RNF150: variants seen among roughly 807,000 people sequenced by gnomAD.
The protein encoded by RNF150 is ring finger protein 150.
RNF150 carries 24 observed loss-of-function variants against 39.3 expected under a neutral mutation model. The observed-to-expected ratio is 0.61, with a 90% CI of 0.44 to 0.86. The LOEUF is 0.86. RNF150 is among the 40% of genes least tolerant of loss of function. The pLI, the probability that RNF150 is intolerant of heterozygous loss-of-function variation, is 0.00. For missense variants in RNF150, 502 were observed against 587.8 expected (o/e 0.85, Z 1.51); for synonymous variants, 255 against 227.3 (o/e 1.12, Z -1.10).
intron 2 of RNF150, among the ~76,000 whole-genome samples, chr4:140,958,788 C>A (rs576400063): frequency 6.6e-6 from 1 of 152,270 alleles, no homozygotes; most frequent in Non-Finnish European, 1.5e-5. Context: ...TTAAAGTACT[C>A]ATCCAGGGGC....
intron 4 of RNF150, among the ~76,000 whole-genome samples, chr4:140,928,692 G>A (rs1289198644): frequency 6.6e-5 from 10 of 152,090 alleles, no homozygotes; most frequent in African/African-American, 1.4e-4. Flanking sequence ...GACTACAGGC[G>A]CCTGCCACCA....
At chr4:140,951,843 T>C (rs1732552702) in intron 2 of RNF150, among the ~76,000 whole-genome samples, 1 of 152,176 alleles carries the variant, frequency 6.6e-6, no homozygotes, top group Admixed American at 6.5e-5. Context: ...CTGTTTTTCT[T>C]TTTCAGTCAA....
chr4:140,908,317 T>C (rs1395412737), intron 6 of RNF150, among the ~76,000 whole-genome samples: 1 of 152,202 alleles, frequency 6.6e-6, no homozygotes, highest in Non-Finnish European at 1.5e-5. Flanking sequence ...TATAAACCAT[T>C]AACAAATAAC....
At chr4:140,949,953 A>G (rs902061065) in intron 2 of RNF150, among the ~76,000 whole-genome samples, 1 of 152,204 alleles carries the variant, frequency 6.6e-6, no homozygotes, top group Non-Finnish European at 1.5e-5. Context: ...TACATAAAAC[A>G]TAATGTTCAG....
At chr4:141,107,935 T>C (rs1739266117) in intron 1 of RNF150, among the ~76,000 whole-genome samples, 1 of 152,222 alleles carries the variant, frequency 6.6e-6, no homozygotes, top group Admixed American at 6.5e-5. Flanking sequence ...CTTTCATATC[T>C]TTTGGTTGTC....
chr4:140,910,865 C>T (rs887304830), intron 6 of RNF150, among the ~76,000 whole-genome samples: 2 of 152,132 alleles, frequency 1.3e-5, no homozygotes, highest in Admixed American at 1.3e-4. Flanking sequence ...TCAGGTACCA[C>T]AGGGAAGCGG....
chr4:141,162,676 T>C (rs550378072), intron 1 of RNF150, among the ~76,000 whole-genome samples: 1 of 151,808 alleles, frequency 6.6e-6, no homozygotes, highest in Admixed American at 6.6e-5. Flanking sequence ...CAGGGTGGGG[T>C]GTTGCCTCAC....
chr4:141,122,673 G>T (rs923405158), intron 1 of RNF150, among the ~76,000 whole-genome samples: 4 of 151,944 alleles, frequency 2.6e-5, no homozygotes, highest in African/African-American at 9.7e-5. Context: ...CAAATATCTT[G>T]GAAGAACCAA....
At chr4:140,880,256 T>C (rs939197415) in intron 6 of RNF150, among the ~76,000 whole-genome samples, 1 of 152,226 alleles carries the variant, frequency 6.6e-6, no homozygotes, top group African/African-American at 2.4e-5. Flanking sequence ...GAGATAATCA[T>C]GTGATTTTCA....
chr4:141,003,918 G>A (rs569936310), intron 1 of RNF150, among the ~76,000 whole-genome samples: 1 of 152,246 alleles, frequency 6.6e-6, no homozygotes, highest in South Asian at 2.1e-4. Context: ...ATGGCCTGCG[G>A]TTAGGAGAAG....
intron 1 of RNF150, among the ~76,000 whole-genome samples, chr4:141,011,471 T>A (rs7686085): frequency 0.88 from 134,112 of 152,222 alleles, 59,524 homozygotes; most frequent in East Asian, 1. Flanking sequence ...TACTTACTTA[T>A]TTTGAGAAAA....
At chr4:140,930,938 TG>T (rs1186983871) in intron 4 of RNF150, among the ~76,000 whole-genome samples, 1 of 117,944 alleles carries the variant, frequency 8.5e-6, no homozygotes, top group Non-Finnish European at 1.9e-5. Context: ...CTGGATCTGC[TG>T]GGGTTTTTTT....
At chr4:141,179,552 A>G (rs1550060) in intron 1 of RNF150, among the ~76,000 whole-genome samples, 57,710 of 152,062 alleles carry the variant, frequency 0.38, 13,389 homozygotes, top group Non-Finnish European at 0.51. Flanking sequence ...ATATTTCTAT[A>G]CAGGCACTTT....
chr4:140,890,602 C>T lies in RNF150; in HGVS notation c.1198+20542G>A, dbSNP rs372528692. 3.3e-5 allele frequency among the ~76,000 whole-genome samples: 5 copies of T among 152,328 alleles called. No individual in the cohort carries two copies. The East Asian group carries it at 5.8e-4, about 18-fold the overall frequency. ...AAAAGACTGGAGTTCACTCTCTCAT[C>T]TCACCACTGAGGACACAGAGAGACA... On this transcript the variant is annotated intron_variant, in intron 6 of 6. Transcript: ENST00000515673.
At chr4:141,152,793 G>T (rs192531635) in intron 1 of RNF150, among the ~76,000 whole-genome samples, 3 of 152,072 alleles carry the variant, frequency 2.0e-5, no homozygotes, top group African/African-American at 7.2e-5. Flanking sequence ...TCATATAATG[G>T]GAAGAATACT....
At chr4:140,895,018 C>G (rs1217585897) in intron 6 of RNF150, among the ~76,000 whole-genome samples, 2 of 152,106 alleles carry the variant, frequency 1.3e-5, no homozygotes, top group East Asian at 3.9e-4. Context: ...AATCTGCAAG[C>G]CTGGCAAAAA....
intron 1 of RNF150, among the ~76,000 whole-genome samples, chr4:141,032,230 AAGT>A (rs1168153112): frequency 1.3e-5 from 2 of 152,098 alleles, no homozygotes; most frequent in African/African-American, 4.8e-5. Context: ...AATCTAAAAC[AAGT>A]AGAACTCATG....
intron 1 of RNF150, among the ~76,000 whole-genome samples, chr4:141,037,421 T>C (rs1367194625): frequency 6.6e-6 from 1 of 152,168 alleles, no homozygotes; most frequent in Non-Finnish European, 1.5e-5. Context: ...AGAATAAATT[T>C]CCTTAAGAAA....
At chr4:141,122,404 C>A (rs901576428) in intron 1 of RNF150, among the ~76,000 whole-genome samples, 1 of 152,240 alleles carries the variant, frequency 6.6e-6, no homozygotes, top group African/African-American at 2.4e-5. Flanking sequence ...AGCAGCAGCA[C>A]CGCCAATATC....
Sources: allele counts gnomAD v4.1 joint callset (sites outside exome capture counted in the v4.1 genomes callset), GRCh38; gene constraint gnomAD v4.1.1; transcripts MANE v1.5; gene names NCBI Gene and HGNC (gene_info 2026-07-23, HGNC 2026-07-21).